The following AIDA variants were observed in gnomAD, a reference collection of about 807,000 sequenced individuals.
AIDA encodes axin interactor, dorsalization associated.
Under a neutral mutation model 42.7 loss-of-function variants are expected in AIDA, and 18 were observed. That is an observed-to-expected ratio of 0.42 (90% CI 0.29 to 0.63). AIDA has a LOEUF of 0.63. AIDA is among the 20% of genes least tolerant of loss of function. The pLI is 0.19. For synonymous variants in AIDA, 104 were observed against 122.9 expected (o/e 0.85, Z 1.02); for missense variants, 250 against 354.1 (o/e 0.71, Z 2.36).
At position 222,693,810 on chromosome 1, in the gene AIDA, C is replaced by T; in HGVS notation, c.268G>A (p.Asp90Asn). ...TTACTTGGTTCTAGCTTCTTCAGGT[C>T]CTCCAGTTTAAATTCTTCTTGAGAC... ...TQSQEEFKLE[D>N]LKKLEPILKN... The change falls in exon 4 of 10, where the codon GAC becomes AAC. Residue 90 changes from aspartate to asparagine, a missense_variant. Asp to Asn is a conservative substitution (Grantham distance 23). Around this residue, in one of 4 missense-constraint regions of AIDA, gnomAD observed 199 missense variants for 232.6 expected, o/e 0.86. Transcript: ENST00000340020. 6.2e-7 allele frequency: 1 copy of T among 1,609,926 alleles called. No individual in the cohort carries two copies. The highest frequency in any genetic ancestry group is 1.1e-5 in the South Asian group (1 of 90,618).
Position 222,712,189 on chromosome 1 carries a change from C to T in AIDA, c.110+19G>A. On this transcript the variant is annotated intron_variant, in intron 1 of 9. Coordinates refer to ENST00000340020, the MANE Select transcript of AIDA (RefSeq NM_022831.4). ...ACGACTGGAGCCGGTCTGGCCTGCT[C>T]CCGCGGTTAGTCACTCACATCTGAT... 5 of 1,586,700 alleles carry T rather than the reference C, an allele frequency of 3.2e-6. No homozygotes were observed. The highest frequency in any genetic ancestry group is 2.6e-6 in the Non-Finnish European group (3 of 1,165,406).
chr1:222,671,593 GGGA>G (rs1215101634), intron 8 of AIDA, among the ~76,000 whole-genome samples: 1 of 152,168 alleles, frequency 6.6e-6, no homozygotes, highest in African/African-American at 2.4e-5. Flanking sequence ...CACATGGCAA[GGGA>G]GGAAAAAAAA....
chr1:222,681,818 C>T (rs1456273120), intron 6 of AIDA, among the ~76,000 whole-genome samples: 2 of 152,120 alleles, frequency 1.3e-5, no homozygotes, highest in Admixed American at 6.5e-5. Context: ...CCATGTGAAT[C>T]CCCAGATGAC....
Position 222,676,083 on chromosome 1 carries a change from CAG to C in AIDA, c.583+11_583+12del, listed in dbSNP as rs1222627803. On this transcript the variant is annotated intron_variant, in intron 7 of 9. Coordinates refer to ENST00000340020, the MANE Select transcript of AIDA (RefSeq NM_022831.4). ...ATTCACCTGAGAAAAAAAAAGTAAA[CAG>C]AGTCACTTACCCTTTACACTAACTG... The C allele has an allele frequency of 4.6e-5, 71 of 1,530,298 alleles. No homozygotes were observed. Among genetic ancestry groups the C allele is most frequent in the Non-Finnish European group, 5.8e-5 (66 of 1,144,528 alleles). 94.8% of individuals were successfully genotyped at this position (1,530,298 alleles called of 1,614,324 possible).
At chr1:222,699,630 T>G (rs527509680) in intron 2 of AIDA, among the ~76,000 whole-genome samples, 3 of 152,186 alleles carry the variant, frequency 2.0e-5, no homozygotes, top group Non-Finnish European at 4.4e-5. Context: ...AGAATACACC[T>G]GGAAGATCTG....
At chr1:222,709,215 G>A (rs1457308057) in intron 1 of AIDA, among the ~76,000 whole-genome samples, 4 of 152,152 alleles carry the variant, frequency 2.6e-5, no homozygotes, top group African/African-American at 4.8e-5. Context: ...GGTGGATCAC[G>A]AGGTCAAGAG....
intron 2 of AIDA, among the ~76,000 whole-genome samples, chr1:222,702,706 T>C (rs939382892): frequency 3.3e-5 from 5 of 152,368 alleles, no homozygotes; most frequent in Middle Eastern, 3.4e-3. Context: ...TATTTGTTTG[T>C]TCTGAGAGAA....
At chr1:222,685,522 T>C (rs957150768) in intron 6 of AIDA, among the ~76,000 whole-genome samples, 1 of 152,214 alleles carries the variant, frequency 6.6e-6, no homozygotes, top group African/African-American at 2.4e-5. Flanking sequence ...AGCACACAGA[T>C]TGTATTTAAC....
chr1:222,694,388 C>G, intron 2 of AIDA, 125 bp from the exon 3 acceptor site: 1 of 858,974 alleles, frequency 1.2e-6, no homozygotes, highest in East Asian at 2.6e-5. Context: ...TTATTTCTTT[C>G]TAGCATCTTT....
intron 2 of AIDA, among the ~76,000 whole-genome samples, chr1:222,695,729 A>G (rs146414110): frequency 6.6e-6 from 1 of 152,346 alleles, no homozygotes; most frequent in African/African-American, 2.4e-5. Flanking sequence ...ATACTTCTTA[A>G]GTTTTTATTA....
intron 2 of AIDA, among the ~76,000 whole-genome samples, chr1:222,699,820 G>A (rs1311356849): frequency 1.3e-5 from 2 of 151,046 alleles, no homozygotes; most frequent in African/African-American, 2.4e-5. Context: ...CGCCCAGGCT[G>A]GAGTGCAGTG....
At chr1:222,699,872 T>C (rs951804903) in intron 2 of AIDA, among the ~76,000 whole-genome samples, 4 of 151,810 alleles carry the variant, frequency 2.6e-5, no homozygotes, top group African/African-American at 4.8e-5. Flanking sequence ...CCCGGGTTCA[T>C]GCCATTCTCC....
At chr1:222,707,283 G>A (rs1434153973) in intron 1 of AIDA, among the ~76,000 whole-genome samples, 7 of 151,940 alleles carry the variant, frequency 4.6e-5, no homozygotes, top group Non-Finnish European at 1.5e-5. Context: ...TCAGCCTCCT[G>A]AGTAGCTGAG....
chr1:222,703,473 A>C (rs182150227), intron 1 of AIDA, among the ~76,000 whole-genome samples: 5 of 152,318 alleles, frequency 3.3e-5, no homozygotes, highest in Middle Eastern at 3.4e-3. Flanking sequence ...AGAGCTGGAA[A>C]GAATCTCAAA....
At chr1:222,679,458 T>G (rs767356996) in intron 6 of AIDA, among the ~76,000 whole-genome samples, 1 of 152,218 alleles carries the variant, frequency 6.6e-6, no homozygotes, top group Non-Finnish European at 1.5e-5. Context: ...ATAAATGTTC[T>G]TCCATATGGA....
chr1:222,678,780 C>T (rs999515329), intron 6 of AIDA, among the ~76,000 whole-genome samples: 1 of 152,140 alleles, frequency 6.6e-6, no homozygotes, highest in Non-Finnish European at 1.5e-5. Context: ...TCAGTGGTTT[C>T]TAATGTGCTC....
chr1:222,695,022 T>C (rs1394817830), intron 2 of AIDA, among the ~76,000 whole-genome samples: 1 of 152,194 alleles, frequency 6.6e-6, no homozygotes, highest in Non-Finnish European at 1.5e-5. Context: ...GGTTCAATTG[T>C]CTAAAGTCTC....
intron 5 of AIDA, 118 bp from the exon 6 acceptor site, chr1:222,687,154 G>A: frequency 1.4e-6 from 2 of 1,476,726 alleles, no homozygotes; most frequent in Non-Finnish European, 1.8e-6. Context: ...GATAGGCCGG[G>A]TGTGGTGGCT....
At chr1:222,700,972 G>T (rs185779636) in intron 2 of AIDA, among the ~76,000 whole-genome samples, 13,792 of 34,302 alleles carry the variant, frequency 0.4, 1,653 homozygotes, top group East Asian at 0.54. Flanking sequence ...GATTTTTTTT[G>T]GGGGGGGGGG....
Sources: gnomAD v4.1 joint callset for allele counts (sites outside exome capture counted in the v4.1 genomes callset) on GRCh38, gnomAD v4.1.1 for gene constraint, gnomAD v4.1.1 regional missense constraint, MANE v1.5 for transcripts, NCBI Gene and HGNC (gene_info 2026-07-23, HGNC 2026-07-21) for gene names.